The following RGS8 variants were observed in gnomAD, a reference collection of about 807,000 sequenced individuals.
The protein encoded by RGS8 is regulator of G-protein signaling 8.
A neutral mutation model predicts 21.7 loss-of-function variants in RGS8; 8 were observed. That is an observed-to-expected ratio of 0.37 (90% CI 0.22 to 0.66). RGS8 has a LOEUF of 0.66. RGS8 is among the 30% of genes least tolerant of loss of function. The probability of loss-of-function intolerance (pLI) is 0.59; values close to 1 mark genes in which losing one functional copy is unlikely to be tolerated. For synonymous variants in RGS8, 80 were observed against 83.6 expected (o/e 0.96, Z 0.24); for missense variants, 157 against 217.9 (o/e 0.72, Z 1.76).
At chr1:182,703,451 C>A in the RGS8 span, among the ~76,000 whole-genome samples, 1 of 152,184 alleles carries the variant, frequency 6.6e-6, no homozygotes, top group Non-Finnish European at 1.5e-5. Context: ...CCAAAAGGTA[C>A]ATTTGCATAG....
intron 5 of RGS8, among the ~76,000 whole-genome samples, chr1:182,650,681 C>T (rs1245098429): frequency 6.6e-6 from 1 of 152,096 alleles, no homozygotes; most frequent in African/African-American, 2.4e-5. Flanking sequence ...GGCAACATGG[C>T]AAAACCCTAT....
chr1:182,707,020 G>A, the RGS8 span, among the ~76,000 whole-genome samples: 3 of 151,892 alleles, frequency 2.0e-5, no homozygotes, highest in African/African-American at 7.3e-5. Context: ...TTAGCCAGGC[G>A]TGGTGGGGGG....
chr1:182,739,162 A>G, the RGS8 span, among the ~76,000 whole-genome samples: 3 of 152,242 alleles, frequency 2.0e-5, no homozygotes, highest in East Asian at 5.8e-4. Context: ...CTCAGCTTTC[A>G]GATGAACAAT....
At chr1:182,734,137 T>C in the RGS8 span, among the ~76,000 whole-genome samples, 1 of 151,746 alleles carries the variant, frequency 6.6e-6, no homozygotes, top group African/African-American at 2.4e-5. Flanking sequence ...ACCAGGCTGG[T>C]CTCGAACTCC....
At chr1:182,747,869 C>T in the RGS8 span, among the ~76,000 whole-genome samples, 1 of 149,278 alleles carries the variant, frequency 6.7e-6, no homozygotes, top group African/African-American at 2.5e-5. Flanking sequence ...AAAAGGTAGT[C>T]CAGGCAGTGT....
chr1:182,749,880 T>C, the RGS8 span, among the ~76,000 whole-genome samples: 2 of 152,180 alleles, frequency 1.3e-5, no homozygotes, highest in Admixed American at 6.5e-5. Context: ...ATGCTCTCCC[T>C]TCCCTGATGC....
intron 5 of RGS8, among the ~76,000 whole-genome samples, chr1:182,651,522 C>T (rs1361609477): frequency 6.6e-6 from 1 of 152,206 alleles, no homozygotes; most frequent in African/African-American, 2.4e-5. Context: ...ATTTGAAGTA[C>T]TGTTTCCACT....
chr1:182,685,209 G>A (rs907190681), upstream of RGS8, among the ~76,000 whole-genome samples: 1 of 152,214 alleles, frequency 6.6e-6, no homozygotes. Flanking sequence ...CCATCCTGTG[G>A]CCAGAGGGTG....
chr1:182,751,837 C>T, the RGS8 span, among the ~76,000 whole-genome samples: 563 of 152,330 alleles, frequency 3.7e-3, 5 homozygotes, highest in African/African-American at 0.013. Flanking sequence ...TTCCAGAATA[C>T]GTTGGAAACT....
intron 5 of RGS8, among the ~76,000 whole-genome samples, chr1:182,663,357 C>T (rs575727717): frequency 2.6e-5 from 4 of 152,200 alleles, no homozygotes; most frequent in Non-Finnish European, 5.9e-5. Context: ...CTACCAGTGA[C>T]TCCTGAATAA....
chr1:182,689,222 A>G (rs1664768032), upstream of RGS8, among the ~76,000 whole-genome samples: 1 of 145,698 alleles, frequency 6.9e-6, no homozygotes, highest in Non-Finnish European at 1.5e-5. Flanking sequence ...CCCTAACAGC[A>G]TCTCTCTCTC....
the RGS8 span, chr1:182,733,948 T>C: frequency 6.6e-6 from 1 of 151,916 alleles, no homozygotes; most frequent in Non-Finnish European, 1.5e-5. Context: ...TGAGATGGAG[T>C]CTCGCTTAGT....
intron 5 of RGS8, among the ~76,000 whole-genome samples, chr1:182,652,757 T>A (rs1444692199): frequency 6.6e-6 from 1 of 151,930 alleles, no homozygotes; most frequent in Admixed American, 6.6e-5. Context: ...AGCAGAGGGG[T>A]CATGAAGGAC....
the RGS8 span, among the ~76,000 whole-genome samples, chr1:182,697,497 C>T: frequency 1.3e-5 from 2 of 152,134 alleles, no homozygotes; most frequent in African/African-American, 4.8e-5. Context: ...TAAAAGAACC[C>T]CTTCGGCTAT....
the RGS8 span, among the ~76,000 whole-genome samples, chr1:182,729,639 G>A: frequency 6.6e-6 from 1 of 152,118 alleles, no homozygotes; most frequent in Admixed American, 6.5e-5. Flanking sequence ...ATACTGATAA[G>A]TAATTTTTGC....
At chr1:182,686,037 G>A (rs1363364851), upstream of RGS8, among the ~76,000 whole-genome samples, 1 of 152,180 alleles carries the variant, frequency 6.6e-6, no homozygotes, top group Admixed American at 6.5e-5. Flanking sequence ...AATCCCCTCA[G>A]AGGAGGCGTC....
At chr1:182,673,490 T>C (rs1664256944), upstream of RGS8, among the ~76,000 whole-genome samples, 1 of 152,032 alleles carries the variant, frequency 6.6e-6, no homozygotes, top group Non-Finnish European at 1.5e-5. Flanking sequence ...GGCAGATCTA[T>C]TGGTGCATAA....
the RGS8 span, among the ~76,000 whole-genome samples, chr1:182,737,957 G>A: frequency 4.6e-5 from 7 of 152,166 alleles, no homozygotes; most frequent in Non-Finnish European, 1.5e-5. Flanking sequence ...AGCCCTGATT[G>A]CAGCCTTGTG....
At chr1:182,752,281 A>C in the RGS8 span, among the ~76,000 whole-genome samples, 10 of 152,188 alleles carry the variant, frequency 6.6e-5, no homozygotes, top group African/African-American at 2.2e-4. Context: ...AGGAGTCGGC[A>C]CATCAACCGG....
Sources: gnomAD v4.1 joint callset for allele counts (sites outside exome capture counted in the v4.1 genomes callset) on GRCh38, gnomAD v4.1.1 for gene constraint, MANE v1.5 for transcripts, NCBI Gene and HGNC (gene_info 2026-07-23, HGNC 2026-07-21) for gene names.